LTN1: variants seen among roughly 807,000 people sequenced by gnomAD.
LTN1 encodes the protein listerin E3 ubiquitin protein ligase 1, also known as E3 ubiquitin-protein ligase listerin.
LTN1 carries 88 observed loss-of-function variants against 201.2 expected under a neutral mutation model. The ratio of observed to expected loss-of-function variants is 0.44; its 90% CI spans 0.37 to 0.52. The LOEUF is 0.52. Ranked by LOEUF, LTN1 falls within the 20% of genes least tolerant of loss-of-function variation. The pLI, the probability that LTN1 is intolerant of heterozygous loss-of-function variation, is 0.00. For missense variants in LTN1, 1,752 were observed against 2,038.7 expected (o/e 0.86, Z 2.71); for synonymous variants, 645 against 713.5 (o/e 0.90, Z 1.53).
chr21:28,970,776 G>C, intron 7 of LTN1, 34 bp from the exon 8 acceptor site: 1 of 1,477,434 alleles, frequency 6.8e-7, no homozygotes, highest in Non-Finnish European at 9.3e-7. Context: ...AGTAATTAGA[G>C]ATCATAAACA....
At chr21:28,931,744 G>A (rs1409437557) in intron 28 of LTN1, among the ~76,000 whole-genome samples, 1 of 152,246 alleles carries the variant, frequency 6.6e-6, no homozygotes, top group Non-Finnish European at 1.5e-5. Context: ...GCTCAAGCCT[G>A]TAATCCCAGC....
At chr21:28,959,723 C>G in intron 12 of LTN1, 26 bp from the exon 13 acceptor site, 2 of 1,527,918 alleles carry the variant, frequency 1.3e-6, no homozygotes, top group Non-Finnish European at 1.8e-6. Context: ...TTCAAACAGA[C>G]AAAAAATAAA....
In LTN1 at chr21:28,988,012, G is replaced by A. The variant is rs943622104; in HGVS notation, c.43-1078C>T. Among the ~76,000 whole-genome samples the A allele has an allele frequency of 3.5e-4, 53 of 151,606 alleles. 1 individual carries two copies. The highest frequency in any genetic ancestry group is 4.2e-4 in the South Asian group (2 of 4,796). On this transcript the variant is annotated intron_variant, in intron 1 of 29. Coordinates refer to ENST00000361371, the MANE Select transcript of LTN1 (RefSeq NM_015565.3). ...CAAAAAATTAACTGGGCGTGGTGGCGCACGCCTGTAATCCCAGCTACTCGG... is the reference window on the plus strand; with the variant it reads ...CAAAAAATTAACTGGGCGTGGTGGCACACGCCTGTAATCCCAGCTACTCGG...
At chr21:28,939,747 T>C (rs542238933) in intron 25 of LTN1, among the ~76,000 whole-genome samples, 1 of 152,348 alleles carries the variant, frequency 6.6e-6, no homozygotes, top group African/African-American at 2.4e-5. Context: ...AAAACTCTTA[T>C]ACACAAATGC....
At chr21:28,966,052 C>A (rs768583482) in intron 10 of LTN1, 146 bp from the exon 11 acceptor site, 5 of 613,206 alleles carry the variant, frequency 8.2e-6, no homozygotes, top group African/African-American at 7.6e-5. Flanking sequence ...GGACTACATG[C>A]ATGCGCCAAC....
chr21:28,946,177 G>A lies in LTN1; in HGVS notation c.3598C>T (p.His1200Tyr). 1 of 1,582,008 alleles carries A rather than the reference G, an allele frequency of 6.3e-7. No individual in the cohort carries two copies. The highest frequency in any genetic ancestry group is 8.6e-7 in the Non-Finnish European group (1 of 1,165,144). Residue 1200 changes from histidine (H) to tyrosine (Y), a missense_variant, in exon 20 of 30, where the codon CAT becomes TAT. Around this residue, in one of 3 missense-constraint regions of LTN1, gnomAD observed 1,211 missense variants for 1,312.8 expected, o/e 0.92. Coordinates refer to ENST00000361371, the MANE Select transcript of LTN1 (RefSeq NM_015565.3). ...LKIIISWKKEHEDIFLFSCNL... is the reference protein window; with the variant it reads ...LKIIISWKKEYEDIFLFSCNL... ...CAACTGAAAAGAAAAATATCTTCAT[G>A]CTCTTTCTTCCAGGATATTATGATT...
In LTN1 at chr21:28,992,811, C is replaced by T. The variant is rs768923107; in HGVS notation, c.-6G>A. On this transcript the variant is annotated 5_prime_UTR_variant, in exon 1 of 30. Transcript: ENST00000361371. Reference sequence around the variant, plus strand: ...TGCTTGTTCTTCCCGCCCATGGTCGCGGTTGCAGCTGTACTCTGAGCACTC... The same window carrying T: ...TGCTTGTTCTTCCCGCCCATGGTCGTGGTTGCAGCTGTACTCTGAGCACTC... The T allele has an allele frequency of 6.2e-7, 1 of 1,614,226 alleles. No homozygotes were observed. The highest frequency in any genetic ancestry group is 8.5e-7 in the Non-Finnish European group (1 of 1,180,036).
intron 20 of LTN1, 72 bp downstream of exon 20, chr21:28,946,080 T>C (rs919954363): frequency 9.3e-5 from 137 of 1,476,402 alleles, no homozygotes; most frequent in African/African-American, 1.6e-4. Context: ...CTCTACAAAA[T>C]TGTGACACAG....
At chr21:28,970,796 CAATT>C in intron 7 of LTN1, 54 bp from the exon 8 acceptor site, 1 of 1,357,790 alleles carries the variant, frequency 7.4e-7, no homozygotes, top group Non-Finnish European at 1.0e-6. Flanking sequence ...ATACTTTTCT[CAATT>C]AAAAGAGAAA....
At chr21:28,990,165 A>G (rs571370369) in intron 1 of LTN1, among the ~76,000 whole-genome samples, 2 of 152,214 alleles carry the variant, frequency 1.3e-5, no homozygotes, top group African/African-American at 4.8e-5. Context: ...CTTTCTTCTA[A>G]TACCTGCATC....
intron 18 of LTN1, among the ~76,000 whole-genome samples, chr21:28,950,333 T>C (rs565579313): frequency 1.1e-3 from 161 of 152,324 alleles, no homozygotes; most frequent in Middle Eastern, 6.8e-3. Flanking sequence ...AATTGATTAC[T>C]ATGGGTAAAT....
intron 29 of LTN1, 62 bp from the exon 30 acceptor site, chr21:28,930,572 A>G: frequency 1.9e-6 from 2 of 1,053,394 alleles, no homozygotes; most frequent in Non-Finnish European, 2.9e-6. Flanking sequence ...AACATACATC[A>G]TAAAGTACAC....
At position 28,944,441 on chromosome 21, in the gene LTN1, T is replaced by C. The variant is rs372816964; in HGVS notation, c.3924A>G (p.Lys1308=). ...TGTGGATGCCTTGGGAAAAAAATTC[T>C]TTCCATTCACTGATTAGATTTACAG... is the stretch of plus-strand genomic sequence containing the variant. ...NLPVNLISEW[K]EFFSQGIHSL... is the part of the protein sequence containing the mutation. The change falls in exon 22 of 30, where the codon AAA becomes AAG. Residue 1308 remains lysine, a synonymous_variant. Transcript: ENST00000361371. The C allele has an allele frequency of 6.2e-7, 1 of 1,614,060 alleles. No homozygotes were observed. Among genetic ancestry groups the C allele is most frequent in the African/African-American group, 1.3e-5 (1 of 75,052 alleles).
At position 28,986,770 on chromosome 21, in the gene LTN1, C is replaced by T. The variant is rs200940509; in HGVS notation, c.207G>A (p.Leu69=). The T allele has an allele frequency of 1.2e-4, 190 of 1,614,062 alleles. 2 individuals carry two copies. The East Asian group carries it at 4.2e-3, about 36-fold the overall frequency. ...SLVDSDFRMV[L]RKLSKKDVTT... ...TGACATCTTTCTTTGAAAGTTTCCG[C>T]AGCACCATTCGGAAATCAGAATCTA... The change falls in exon 2 of 30, where the codon CTG becomes CTA. Residue 69 remains leucine, a synonymous_variant. Coordinates refer to ENST00000361371, the MANE Select transcript of LTN1 (RefSeq NM_015565.3). The surrounding 1 kb of genome is among the most constrained non-coding windows in gnomAD (Gnocchi z 4.1).
chr21:28,973,972 C>G (rs1294165715), intron 6 of LTN1, among the ~76,000 whole-genome samples: 2 of 152,060 alleles, frequency 1.3e-5, no homozygotes, highest in Non-Finnish European at 2.9e-5. Context: ...TTAATTTTGA[C>G]TCTCACCTTC....
At chr21:28,955,922 C>CAA (rs772350234) in intron 16 of LTN1, among the ~76,000 whole-genome samples, 11,719 of 69,194 alleles carry the variant, frequency 0.17, 980 homozygotes, top group South Asian at 0.23. Flanking sequence ...GACTCTGTCT[C>CAA]AAAAAAAAAA....
chr21:28,952,078 T>G, intron 18 of LTN1, 82 bp downstream of exon 18: 1 of 707,602 alleles, frequency 1.4e-6, no homozygotes, highest in Non-Finnish European at 2.3e-6. Flanking sequence ...CTTGATTCAT[T>G]AGAAATTATT....
chr21:28,959,581 A>T lies in LTN1; in HGVS notation c.2470T>A (p.Cys824Ser). ...ESSDSSVSFICDVAYNYFSSA... is the reference protein window; with the variant it reads ...ESSDSSVSFISDVAYNYFSSA... ...CTGAAATAGTTATAGGCCACATCAC[A>T]GATAAAAGACACTGATGAGTCACTG... Residue 824 changes from cysteine (C) to serine (S), a missense_variant, in exon 13 of 30, where the codon TGT (cysteine) becomes AGT (serine). Cys to Ser is a moderately radical substitution (Grantham distance 112). Coordinates refer to ENST00000361371, the MANE Select transcript of LTN1 (RefSeq NM_015565.3). The T allele has an allele frequency of 6.2e-7, 1 of 1,614,100 alleles. No homozygotes were observed. The highest frequency in any genetic ancestry group is 8.5e-7 in the Non-Finnish European group (1 of 1,179,984).
At chr21:28,992,117 C>T (rs2084751000) in intron 1 of LTN1, among the ~76,000 whole-genome samples, 1 of 152,070 alleles carries the variant, frequency 6.6e-6, no homozygotes. Context: ...GAAGGGCTAC[C>T]AAGAGGGTGA....
Sources: allele counts gnomAD v4.1 joint callset (sites outside exome capture counted in the v4.1 genomes callset), GRCh38; gene constraint gnomAD v4.1.1; regional missense constraint gnomAD v4.1.1; non-coding constraint Gnocchi (gnomAD v3.1); transcripts MANE v1.5; gene names NCBI Gene and HGNC (gene_info 2026-07-23, HGNC 2026-07-21).